SIPA1L1: variants seen among roughly 807,000 people sequenced by gnomAD.
The protein encoded by SIPA1L1 is signal-induced proliferation-associated 1-like protein 1.
In SIPA1L1, 26 loss-of-function variants were observed where a neutral mutation model predicts 162.7. That is an observed-to-expected ratio of 0.16 (90% CI 0.12 to 0.22). SIPA1L1 has a LOEUF of 0.22. SIPA1L1 is among the 10% of genes least tolerant of loss of function. SIPA1L1 has a pLI of 1.00. For missense variants in SIPA1L1, 1,874 were observed against 2,241.0 expected (o/e 0.84, Z 3.31); for synonymous variants, 829 against 837.4 (o/e 0.99, Z 0.17).
At chr14:71,580,549 T>C (rs1195176869) in intron 4 of SIPA1L1, among the ~76,000 whole-genome samples, 1 of 152,222 alleles carries the variant, frequency 6.6e-6, no homozygotes, top group South Asian at 2.1e-4. Flanking sequence ...TGTGAAATAA[T>C]TATTCAAATC....
chr14:71,650,603 T>C (rs1308761564), intron 8 of SIPA1L1, 94 bp downstream of exon 8: 2 of 1,195,978 alleles, frequency 1.7e-6, no homozygotes, highest in African/African-American at 3.0e-5. Flanking sequence ...CATTGCCATT[T>C]ATCGCAGAAC....
At chr14:71,544,268 T>A (rs1030845798) in intron 4 of SIPA1L1, among the ~76,000 whole-genome samples, 1 of 107,198 alleles carries the variant, frequency 9.3e-6, no homozygotes, top group African/African-American at 2.7e-5. Context: ...ACATGATATG[T>A]GTATATACAT....
Position 71,365,892 on chromosome 14 carries a change from A to AT in SIPA1L1, c.-465+44726dup, listed in dbSNP as rs1555405458. The stretch of plus-strand genomic sequence containing the variant: ...AGTTGTCTGCCAACATGCCTGGTTA[A>AT]TTTTTTTTTTTTTTTAAGAGATGGG... On this transcript the variant is annotated intron_variant, in intron 2 of 23. Transcript: ENST00000381232. 6.6e-3 allele frequency among the ~76,000 whole-genome samples: 563 copies of AT among 84,714 alleles called. 3 individuals are homozygous for AT. The highest frequency in any genetic ancestry group is 0.024 in the African/African-American group (500 of 20,952). The allele number at this position is 84,714 out of a possible 152,430, so 55.6% of individuals were successfully genotyped here.
chr14:71,436,154 T>C (rs1427991763), intron 2 of SIPA1L1, among the ~76,000 whole-genome samples: 1 of 152,208 alleles, frequency 6.6e-6, no homozygotes, highest in Admixed American at 6.5e-5. Context: ...CTCTGCCAAT[T>C]TATCTATGGA....
intron 6 of SIPA1L1, among the ~76,000 whole-genome samples, chr14:71,619,459 A>G (rs2039186857): frequency 2.0e-5 from 3 of 152,292 alleles, no homozygotes; most frequent in South Asian, 2.1e-4. Context: ...AGGAATCTAA[A>G]TATACACAAT....
chr14:71,651,806 C>G (rs141690949), intron 8 of SIPA1L1, among the ~76,000 whole-genome samples: 1 of 152,130 alleles, frequency 6.6e-6, no homozygotes. Context: ...GCTAGGGTAT[C>G]GTTAAGCAAC....
At chr14:71,470,319 T>C (rs2142174844) in intron 2 of SIPA1L1, among the ~76,000 whole-genome samples, 1 of 152,292 alleles carries the variant, frequency 6.6e-6, no homozygotes, top group South Asian at 2.1e-4. Flanking sequence ...AGCAATAGCT[T>C]GCTGTAGTGA....
chr14:71,647,189 G>T (rs1267021546), intron 7 of SIPA1L1, among the ~76,000 whole-genome samples: 2 of 151,974 alleles, frequency 1.3e-5, no homozygotes, highest in Non-Finnish European at 2.9e-5. Context: ...TCAAACCAGA[G>T]GAAACTTGAC....
chr14:71,366,955 T>TA (rs1332603792), intron 2 of SIPA1L1, among the ~76,000 whole-genome samples: 2 of 152,198 alleles, frequency 1.3e-5, no homozygotes, highest in African/African-American at 4.8e-5. Flanking sequence ...AATATATAAA[T>TA]ATGGTCTCAC....
chr14:71,680,348 G>T (rs1220066762), intron 12 of SIPA1L1, among the ~76,000 whole-genome samples: 4 of 152,118 alleles, frequency 2.6e-5, no homozygotes, highest in Non-Finnish European at 2.9e-5. Flanking sequence ...ACGAAATGAA[G>T]GCAGAAATTA....
intron 2 of SIPA1L1, among the ~76,000 whole-genome samples, chr14:71,403,680 A>G (rs1455714405): frequency 1.3e-5 from 2 of 151,954 alleles, no homozygotes; most frequent in Non-Finnish European, 2.9e-5. Context: ...CCTTTTTATC[A>G]ATTTATACTT....
intron 4 of SIPA1L1, among the ~76,000 whole-genome samples, chr14:71,581,834 T>C (rs993323001): frequency 1.3e-5 from 2 of 152,202 alleles, no homozygotes; most frequent in Admixed American, 1.3e-4. Context: ...CAAACACTAT[T>C]TTCCTCTAAT....
intron 2 of SIPA1L1, among the ~76,000 whole-genome samples, chr14:71,500,980 T>G (rs1412611023): frequency 6.6e-6 from 1 of 152,092 alleles, no homozygotes; most frequent in African/African-American, 2.4e-5. Context: ...CACTCCATCC[T>G]GGGCAACAAG....
chr14:71,469,501 A>C (rs986141725), intron 2 of SIPA1L1, among the ~76,000 whole-genome samples: 1 of 152,216 alleles, frequency 6.6e-6, no homozygotes, highest in African/African-American at 2.4e-5. Context: ...AAAATAAAAA[A>C]AAATCAAAGC....
At chr14:71,411,052 T>A (rs1167529990) in intron 2 of SIPA1L1, among the ~76,000 whole-genome samples, 1 of 152,178 alleles carries the variant, frequency 6.6e-6, no homozygotes, top group African/African-American at 2.4e-5. Flanking sequence ...AAAGAACTTT[T>A]GAAAACTCAG....
rs528966808 is a variant in SIPA1L1 at position 71,428,087 on chromosome 14, G to C, written c.-464-84656G>C. ...GACTCACTGCAGCCTCCACCTCCCA[G>C]ATTCAAGCGATTCTCCTGCCTCAGC... On this transcript the variant is annotated intron_variant, in intron 2 of 23. Transcript: ENST00000381232. Among the ~76,000 whole-genome samples the C allele has an allele frequency of 5.0e-4, 76 of 152,072 alleles. 1 individual carries two copies. Among genetic ancestry groups the C allele is most frequent in the African/African-American group, 1.8e-3 (73 of 41,502 alleles).
At chr14:71,457,367 T>C (rs1054016675) in intron 2 of SIPA1L1, among the ~76,000 whole-genome samples, 5 of 151,788 alleles carry the variant, frequency 3.3e-5, no homozygotes, top group Non-Finnish European at 7.4e-5. Context: ...TGGCATGATA[T>C]CGGCTCACTG....
At chr14:71,655,769 T>A (rs1422712253) in intron 8 of SIPA1L1, among the ~76,000 whole-genome samples, 1 of 152,188 alleles carries the variant, frequency 6.6e-6, no homozygotes, top group Non-Finnish European at 1.5e-5. Flanking sequence ...TATGTCTTCT[T>A]TTGAGAAGTG....
At position 71,590,597 on chromosome 14, in the gene SIPA1L1, C is replaced by T. The variant is rs573699320; in HGVS notation, c.1498+1227C>T. Among the ~76,000 whole-genome samples the T allele has an allele frequency of 2.5e-4, 38 of 152,244 alleles. No individual in the cohort carries two copies. In the South Asian group the frequency reaches 3.5e-3, roughly 14 times the overall value. On this transcript the variant is annotated intron_variant, in intron 5 of 23. Coordinates refer to ENST00000381232, the MANE Select transcript of SIPA1L1 (RefSeq NM_001386936.1). Reference sequence around the variant, plus strand: ...CTTGTTGACGGAAACAATCTTGTCTCGTGACTAAACATCCATGTCTCATTC... The same window carrying T: ...CTTGTTGACGGAAACAATCTTGTCTTGTGACTAAACATCCATGTCTCATTC...
Sources: gnomAD v4.1 joint callset for allele counts (sites outside exome capture counted in the v4.1 genomes callset) on GRCh38, gnomAD v4.1.1 for gene constraint, MANE v1.5 for transcripts, NCBI Gene and HGNC (gene_info 2026-07-23, HGNC 2026-07-21) for gene names.